PTPRA: variants seen among roughly 807,000 people sequenced by gnomAD.
The protein encoded by PTPRA is protein tyrosine phosphatase receptor type A.
In PTPRA, 25 loss-of-function variants were observed where a neutral mutation model predicts 104.8. That is an observed-to-expected ratio of 0.24 (90% CI 0.17 to 0.33). The LOEUF is 0.33. Among genes scored for constraint, PTPRA ranks in the 10% least tolerant of loss-of-function variants. The probability of loss-of-function intolerance (pLI) is 1.00; values close to 1 mark genes in which losing one functional copy is unlikely to be tolerated. For missense variants in PTPRA, 765 were observed against 1,015.3 expected (o/e 0.75, Z 3.35); for synonymous variants, 323 against 368.9 (o/e 0.88, Z 1.43).
At chr20:3,033,995 G>A (rs1297152398) in intron 20 of PTPRA, among the ~76,000 whole-genome samples, 1 of 151,776 alleles carries the variant, frequency 6.6e-6, no homozygotes, top group Non-Finnish European at 1.5e-5. Context: ...TTGATCAGAT[G>A]TGGTGGCTCA....
At chr20:2,868,618 CTTTTTTTTTTTTTTTTTT>C (rs56081198), upstream of PTPRA, among the ~76,000 whole-genome samples, 281 of 45,232 alleles carry the variant, frequency 6.2e-3, 6 homozygotes, top group African/African-American at 0.022. Flanking sequence ...TCATTCTGGG[CTTTTTTTTTTTTTTTTTT>C]TTTTTTTTTT....
At chr20:3,024,759 C>T (rs1421419487) in intron 17 of PTPRA, 138 bp downstream of exon 17, 28 of 1,048,438 alleles carry the variant, frequency 2.7e-5, no homozygotes, top group East Asian at 5.1e-5. Context: ...GTCCTTTCCT[C>T]GTACTCTGGT....
intron 16 of PTPRA, among the ~76,000 whole-genome samples, chr20:3,023,887 C>A (rs1600272898): frequency 1.3e-5 from 2 of 152,228 alleles, no homozygotes; most frequent in South Asian, 2.1e-4. Flanking sequence ...GAGGGGCTAG[C>A]CCCTTTCATG....
At chr20:2,864,927 G>T in the PTPRA span, 1 of 1,610,818 alleles carries the variant, frequency 6.2e-7, no homozygotes, top group East Asian at 2.2e-5. This position sits in a 1 kb window ranked among gnomAD's most constrained non-coding sequence, Gnocchi z 5.2. Flanking sequence ...GGGTGAGGAG[G>T]GCGAGGGTCC....
At chr20:2,923,668 ATGTG>A (rs2060182601) in intron 2 of PTPRA, among the ~76,000 whole-genome samples, 1 of 152,034 alleles carries the variant, frequency 6.6e-6, no homozygotes, top group Admixed American at 6.6e-5. Flanking sequence ...ATGTGGTGGC[ATGTG>A]CCTGTAATCC....
chr20:2,965,128 C>T lies in PTPRA; in HGVS notation c.341C>T (p.Thr114Met), dbSNP rs114564370. ...NGTWLPDNQFTDARTEPWEGN... is the reference protein window; with the variant it reads ...NGTWLPDNQFMDARTEPWEGN... Reference sequence around the variant, plus strand: ...ACGTGGCTTCCAGATAACCAGTTCACGGATGCCAGAACAGAACCCTGGGAG... The same window carrying T: ...ACGTGGCTTCCAGATAACCAGTTCATGGATGCCAGAACAGAACCCTGGGAG... Residue 114 changes from threonine (T) to methionine (M), a missense_variant, in exon 5 of 24, where the codon ACG becomes ATG. Around this residue, in one of 4 missense-constraint regions of PTPRA, gnomAD observed 256 missense variants for 248.9 expected, o/e 1.03. Transcript: ENST00000399903. The T allele has an allele frequency of 6.6e-4, 1,066 of 1,614,162 alleles. 4 individuals carry two copies. The African/African-American group carries it at 0.012, about 18-fold the overall frequency.
intron 1 of PTPRA, among the ~76,000 whole-genome samples, chr20:2,897,428 C>T (rs1317801418): frequency 6.9e-6 from 1 of 144,940 alleles, no homozygotes; most frequent in African/African-American, 2.6e-5. Context: ...CGCTTTGTCA[C>T]CCAGGCTGGA....
chr20:2,930,963 G>T (rs936195504), intron 2 of PTPRA, among the ~76,000 whole-genome samples: 4 of 152,150 alleles, frequency 2.6e-5, no homozygotes, highest in African/African-American at 4.8e-5. Flanking sequence ...TGAAAACTTT[G>T]AGCAGGATGA....
chr20:3,010,315 A>G (rs2064099493), intron 11 of PTPRA, among the ~76,000 whole-genome samples: 1 of 151,974 alleles, frequency 6.6e-6, no homozygotes, highest in Non-Finnish European at 1.5e-5. Flanking sequence ...TGGCTGCAGC[A>G]GTCCCAAGCA....
intron 1 of PTPRA, among the ~76,000 whole-genome samples, chr20:2,906,231 T>G (rs1190593231): frequency 6.6e-6 from 1 of 152,220 alleles, no homozygotes; most frequent in Non-Finnish European, 1.5e-5. Flanking sequence ...TTGTTTTGAG[T>G]AAAAATCAAA....
At chr20:2,954,869 G>A (rs1276497506) in intron 3 of PTPRA, among the ~76,000 whole-genome samples, 1 of 152,132 alleles carries the variant, frequency 6.6e-6, no homozygotes, top group Admixed American at 6.5e-5. Flanking sequence ...GTTAATTTTT[G>A]CAAGTGGTAT....
At chr20:3,002,228 A>T (rs991133873) in intron 9 of PTPRA, among the ~76,000 whole-genome samples, 9 of 151,858 alleles carry the variant, frequency 5.9e-5, no homozygotes, top group Admixed American at 3.9e-4. Flanking sequence ...GTCTTTTTTT[A>T]AATTATTATC....
chr20:2,957,033 C>G (rs1011318075), intron 3 of PTPRA, among the ~76,000 whole-genome samples: 2 of 152,196 alleles, frequency 1.3e-5, no homozygotes, highest in African/African-American at 4.8e-5. Flanking sequence ...CGCCTGTAAT[C>G]CCAGCACTTT....
intron 9 of PTPRA, among the ~76,000 whole-genome samples, chr20:2,991,015 A>G (rs961468351): frequency 6.6e-6 from 1 of 152,170 alleles, no homozygotes; most frequent in African/African-American, 2.4e-5. Context: ...TTTGGGGGCT[A>G]TTGGAAAAAT....
intron 1 of PTPRA, among the ~76,000 whole-genome samples, chr20:2,914,326 T>C (rs754687541): frequency 3.9e-5 from 6 of 152,140 alleles, no homozygotes; most frequent in Admixed American, 2.6e-4. Context: ...ATGGCATTGT[T>C]CCACTGAGGT....
At chr20:2,924,696 T>C (rs950564054) in intron 2 of PTPRA, among the ~76,000 whole-genome samples, 7 of 152,140 alleles carry the variant, frequency 4.6e-5, no homozygotes, top group African/African-American at 1.7e-4. Context: ...TTGTTTTGTT[T>C]TTTGAGACTG....
the PTPRA span, chr20:2,866,461 G>C: frequency 6.2e-7 from 1 of 1,614,144 alleles, no homozygotes; most frequent in Non-Finnish European, 8.5e-7. Flanking sequence ...TGTGGCCATC[G>C]AACACCGGAA....
intron 20 of PTPRA, among the ~76,000 whole-genome samples, chr20:3,028,867 C>T (rs1038008117): frequency 6.6e-6 from 1 of 152,166 alleles, no homozygotes; most frequent in Admixed American, 6.6e-5. Flanking sequence ...AATGCGAAAG[C>T]TGTGGCAGTA....
At chr20:2,985,818 G>A (rs538424356) in intron 6 of PTPRA, among the ~76,000 whole-genome samples, 1 of 152,280 alleles carries the variant, frequency 6.6e-6, no homozygotes, top group South Asian at 2.1e-4. Flanking sequence ...CTGGCCTCAA[G>A]CAATCCTTCT....
Sources: allele counts gnomAD v4.1 joint callset (sites outside exome capture counted in the v4.1 genomes callset), GRCh38; gene constraint gnomAD v4.1.1; regional missense constraint gnomAD v4.1.1; non-coding constraint Gnocchi (gnomAD v3.1); transcripts MANE v1.5; gene names NCBI Gene and HGNC (gene_info 2026-07-23, HGNC 2026-07-21).